LIN9: variants seen among roughly 807,000 people sequenced by gnomAD.
LIN9 encodes the protein lin-9 DREAM MuvB core complex component, also known as protein lin-9 homolog.
Under a neutral mutation model 78.0 loss-of-function variants are expected in LIN9, and 18 were observed. The ratio of observed to expected loss-of-function variants is 0.23; its 90% CI spans 0.16 to 0.34. The LOEUF (loss-of-function observed/expected upper bound fraction) is 0.34, where lower values mean the gene tolerates loss of function less well. Among genes scored for constraint, LIN9 ranks in the 10% least tolerant of loss-of-function variants. The pLI, the probability that LIN9 is intolerant of heterozygous loss-of-function variation, is 1.00. For missense variants in LIN9, 451 were observed against 644.1 expected, an observed-to-expected ratio of 0.70 and a Z score of 3.25; for synonymous variants, 192 against 215.2, an observed-to-expected ratio of 0.89 and a Z score of 0.94.
At chr1:226,283,292 TTTTTTTTTTTTTTG>T (rs1207746817) in intron 6 of LIN9, among the ~76,000 whole-genome samples, 1 of 137,742 alleles carries the variant, frequency 7.3e-6, no homozygotes. Flanking sequence ...TTTTTTTTTT[TTTTTTTTTTTTTTG>T]GTGGAGATGG....
intron 4 of LIN9, among the ~76,000 whole-genome samples, chr1:226,289,018 C>T (rs1359132923): frequency 6.6e-6 from 1 of 152,070 alleles, no homozygotes; most frequent in Admixed American, 6.5e-5. Flanking sequence ...ATGGGCGGAT[C>T]ACAAGGTCAG....
Position 226,278,017 on chromosome 1 carries a change from G to C in LIN9, c.525-85C>G, listed in dbSNP as rs908952041. 4.4e-6 allele frequency: 5 copies of C among 1,136,746 alleles called. No homozygotes were observed. In the African/African-American group the frequency reaches 6.3e-5, roughly 14 times the overall value. The allele number at this position is 1,136,746 out of a possible 1,614,324, so 70.4% of individuals were successfully genotyped here. On this transcript the variant is annotated intron_variant, in intron 6 of 14. Coordinates refer to ENST00000681046, the MANE Select transcript of LIN9 (RefSeq NM_001366245.2). ...CTTTTTTTTTTCTTTTTTTGAGATA[G>C]AGTCTGGCTCTGTCATCCAGGCTGG...
rs537659872 is a variant in LIN9, at chr1:226,238,901, C to T, written c.1245+70G>A. 94 of 1,493,938 alleles carry T rather than the reference C, an allele frequency of 6.3e-5. No individual in the cohort carries two copies. The African/African-American group carries it at 1.1e-3, about 18-fold the overall frequency. 92.5% of individuals were successfully genotyped at this position (1,493,938 alleles called of 1,614,324 possible). A position where few individuals can be genotyped will look rare whatever the true frequency, so the allele number is the denominator to read the frequency against. The stretch of plus-strand genomic sequence containing the variant: ...AAGATATTGGCTTGGTATGGATTTT[C>T]TAAAGTGTGAAAGTAAAAGGATTAA... On this transcript the variant is annotated intron_variant, in intron 12 of 14. Transcript: ENST00000681046.
chr1:226,274,732 A>T (rs1469248241), intron 7 of LIN9, among the ~76,000 whole-genome samples: 2 of 151,558 alleles, frequency 1.3e-5, no homozygotes, highest in Non-Finnish European at 2.9e-5. Flanking sequence ...TCTCAAGTTC[A>T]CCGACCCAGT....
intron 3 of LIN9, among the ~76,000 whole-genome samples, chr1:226,297,324 C>T (rs1576356330): frequency 6.6e-6 from 1 of 152,276 alleles, no homozygotes; most frequent in East Asian, 1.9e-4. Context: ...CTACTTCCCA[C>T]CTCTAAATGC....
intron 11 of LIN9, among the ~76,000 whole-genome samples, chr1:226,248,092 C>A (rs1456454403): frequency 4.6e-5 from 7 of 152,154 alleles, no homozygotes; most frequent in Non-Finnish European, 1.0e-4. Flanking sequence ...TCTACTCTTA[C>A]CAAAAGCAGA....
intron 12 of LIN9, among the ~76,000 whole-genome samples, chr1:226,238,581 T>C (rs915136356): frequency 9.2e-5 from 14 of 151,786 alleles, no homozygotes; most frequent in Admixed American, 8.5e-4. Context: ...GATTGCAAGA[T>C]TGCATCACTG....
chr1:226,273,217 G>A (rs1338502157), intron 7 of LIN9, among the ~76,000 whole-genome samples: 1 of 131,908 alleles, frequency 7.6e-6, no homozygotes, highest in Middle Eastern at 3.7e-3. Context: ...GTTGTTCCCT[G>A]TCCCTTCTTT....
At chr1:226,248,325 G>A (rs1260934848) in intron 11 of LIN9, among the ~76,000 whole-genome samples, 1 of 152,068 alleles carries the variant, frequency 6.6e-6, no homozygotes, top group Non-Finnish European at 1.5e-5. Context: ...TGTAGCTATG[G>A]TTTCTGTTTC....
intron 11 of LIN9, among the ~76,000 whole-genome samples, chr1:226,245,498 C>A (rs566176116): frequency 6.6e-6 from 1 of 152,196 alleles, no homozygotes; most frequent in African/African-American, 2.4e-5. Flanking sequence ...TCCTAGCTCA[C>A]CACAGCCTCA....
rs966636861 is a variant in LIN9, at chr1:226,238,979, A to G, written c.1237T>C (p.Cys413Arg). 4 of 1,613,366 alleles carry G rather than the reference A, an allele frequency of 2.5e-6. No homozygotes were observed. Among genetic ancestry groups the G allele is most frequent in the African/African-American group, 1.3e-5 (1 of 74,906 alleles). Reference protein sequence around the residue: ...NKVLHKVQQYCYELAPDQGLQ... With the variant: ...NKVLHKVQQYRYELAPDQGLQ... ...CTATACATATCACTTACCTCATAGC[A>G]ATACTGTTGAACTTTATGCAAAACT... The change falls in exon 12 of 15, where the codon TGC becomes CGC. Residue 413 changes from cysteine to arginine, a missense_variant. Coordinates refer to ENST00000681046, the MANE Select transcript of LIN9 (RefSeq NM_001366245.2).
At chr1:226,243,188 G>T (rs1001031327) in intron 11 of LIN9, among the ~76,000 whole-genome samples, 10 of 152,142 alleles carry the variant, frequency 6.6e-5, no homozygotes, top group African/African-American at 2.2e-4. Flanking sequence ...AAATAATTTT[G>T]TTAATATAAA....
intron 1 of LIN9, among the ~76,000 whole-genome samples, chr1:226,306,949 C>T (rs566629583): frequency 2.0e-5 from 3 of 152,204 alleles, no homozygotes; most frequent in East Asian, 1.9e-4. Context: ...TGAAGTCTAC[C>T]TAAACAAGAC....
chr1:226,306,796 C>T (rs1439665060), intron 1 of LIN9, among the ~76,000 whole-genome samples: 1 of 152,086 alleles, frequency 6.6e-6, no homozygotes, highest in Non-Finnish European at 1.5e-5. Context: ...AAATTGAAAT[C>T]GCTTTTCCTT....
At chr1:226,267,809 GTC>G (rs1660027645) in intron 8 of LIN9, 146 bp downstream of exon 8, 2 of 729,356 alleles carry the variant, frequency 2.7e-6, no homozygotes, top group East Asian at 5.5e-5. Flanking sequence ...CGAACCAGGG[GTC>G]TAGCAGATAG....
upstream of LIN9, chr1:226,309,759 T>C: frequency 7.8e-7 from 1 of 1,287,428 alleles, no homozygotes; most frequent in South Asian, 1.2e-5. Context: ...GGGCACGCCT[T>C]TCCCGAATGT....
intron 2 of LIN9, among the ~76,000 whole-genome samples, chr1:226,298,591 T>TTATA (rs1356261416): frequency 4.6e-5 from 7 of 152,226 alleles, no homozygotes; most frequent in Non-Finnish European, 7.3e-5. Context: ...CCAGGTGCAA[T>TTATA]GGCTCATGCC....
At position 226,266,228 on chromosome 1, in the gene LIN9, G is replaced by C. The variant is rs1337286932; in HGVS notation, c.921C>G (p.Leu307=). The change falls in exon 9 of 15, where the codon CTC becomes CTG. Residue 307 remains leucine, a synonymous_variant. Transcript: ENST00000681046. ...TPPRLHYTPP[L]QSPIIDNDPL... Reference sequence around the variant, plus strand: ...ATATACTTACTATAATTGGTGACTGGAGAGGAGGAGTATAATGTAACCGTG... The same window carrying C: ...ATATACTTACTATAATTGGTGACTGCAGAGGAGGAGTATAATGTAACCGTG... 1 of 1,580,030 alleles carries C rather than the reference G, an allele frequency of 6.3e-7. No homozygotes were observed. The highest frequency in any genetic ancestry group is 1.2e-5 in the South Asian group (1 of 85,708).
At chr1:226,257,710 ATAAAG>A (rs368084640) in intron 10 of LIN9, among the ~76,000 whole-genome samples, 37 of 152,352 alleles carry the variant, frequency 2.4e-4, no homozygotes, top group African/African-American at 8.7e-4. Flanking sequence ...ATGGAATTAT[ATAAAG>A]TAAACCATAA....
Sources: gnomAD v4.1 joint callset for allele counts (sites outside exome capture counted in the v4.1 genomes callset) on GRCh38, gnomAD v4.1.1 for gene constraint, MANE v1.5 for transcripts, NCBI Gene and HGNC (gene_info 2026-07-23, HGNC 2026-07-21) for gene names.